The following LSAMP variants were observed in gnomAD, a reference collection of about 807,000 sequenced individuals.
The protein encoded by LSAMP is limbic system associated membrane protein.
LSAMP carries 7 observed loss-of-function variants against 38.6 expected under a neutral mutation model. The ratio of observed to expected loss-of-function variants is 0.18; its 90% CI spans 0.10 to 0.34. The LOEUF (loss-of-function observed/expected upper bound fraction) is 0.34. LSAMP is among the 10% of genes least tolerant of loss of function. The pLI is 1.00. For missense variants in LSAMP, 313 were observed against 420.0 expected (o/e 0.75, Z 2.23); for synonymous variants, 154 against 166.8 (o/e 0.92, Z 0.59).
chr3:116,387,607 G>C (rs897421903), intron 1 of LSAMP, among the ~76,000 whole-genome samples: 1 of 152,136 alleles, frequency 6.6e-6, no homozygotes, highest in African/African-American at 2.4e-5. Context: ...CAGTGTTTTA[G>C]GGTTCTCTTT....
At chr3:116,439,322 T>TTG (rs1553736603) in intron 1 of LSAMP, among the ~76,000 whole-genome samples, 3 of 151,534 alleles carry the variant, frequency 2.0e-5, no homozygotes, top group African/African-American at 7.3e-5. Flanking sequence ...TTTTGTTGTT[T>TTG]TTTTTTTTTA....
intron 1 of LSAMP, among the ~76,000 whole-genome samples, chr3:116,263,677 T>TAGAGCA (rs3028643): frequency 0.19 from 29,434 of 152,150 alleles, 3,089 homozygotes; most frequent in Admixed American, 0.23. Flanking sequence ...TGCATTTTAT[T>TAGAGCA]AAATTTTATG....
At chr3:116,238,945 T>C (rs1211499729) in intron 1 of LSAMP, among the ~76,000 whole-genome samples, 1 of 152,128 alleles carries the variant, frequency 6.6e-6, no homozygotes, top group Non-Finnish European at 1.5e-5. Context: ...CCATGTATCA[T>C]CAACACTATA....
chr3:116,401,374 T>C (rs1422354904), intron 1 of LSAMP, among the ~76,000 whole-genome samples: 3 of 152,162 alleles, frequency 2.0e-5, no homozygotes, highest in African/African-American at 7.2e-5. Flanking sequence ...CTAGACCTCC[T>C]GGGCTCAGGT....
chr3:115,861,820 T>C (rs10934308), intron 3 of LSAMP, among the ~76,000 whole-genome samples: 5 of 152,008 alleles, frequency 3.3e-5, no homozygotes, highest in Admixed American at 3.3e-4. Flanking sequence ...TAAGAGATTT[T>C]AGCTAACTGT....
chr3:116,028,579 G>A (rs1028118418), intron 2 of LSAMP, among the ~76,000 whole-genome samples: 1 of 152,106 alleles, frequency 6.6e-6, no homozygotes, highest in Non-Finnish European at 1.5e-5. Context: ...CGATATTATG[G>A]GATTGACATT....
intron 1 of LSAMP, 41 bp downstream of exon 1, chr3:116,444,836 G>A (rs199499207): frequency 3.7e-6 from 6 of 1,610,616 alleles, no homozygotes; most frequent in Non-Finnish European, 5.1e-6. Flanking sequence ...ACACACACAC[G>A]TGTAGACGCG....
chr3:116,184,750 AG>A (rs1710571269), intron 1 of LSAMP, among the ~76,000 whole-genome samples: 1 of 151,824 alleles, frequency 6.6e-6, no homozygotes, highest in South Asian at 2.1e-4. Flanking sequence ...TGCTATATTT[AG>A]GGGCCTTCTA....
intron 2 of LSAMP, among the ~76,000 whole-genome samples, chr3:116,066,665 A>G (rs1384570790): frequency 6.6e-6 from 1 of 152,128 alleles, no homozygotes; most frequent in African/African-American, 2.4e-5. Context: ...TATTTACTAA[A>G]TTAACATCCT....
chr3:115,929,676 T>A (rs1204076770), intron 3 of LSAMP, among the ~76,000 whole-genome samples: 1 of 152,124 alleles, frequency 6.6e-6, no homozygotes, highest in South Asian at 2.1e-4. Flanking sequence ...TTCCTACTCA[T>A]AAATGCTATA....
chr3:115,971,943 C>T (rs1015792269), intron 3 of LSAMP, among the ~76,000 whole-genome samples: 2 of 152,078 alleles, frequency 1.3e-5, no homozygotes, highest in Admixed American at 6.6e-5. Flanking sequence ...TGAGAAGGCA[C>T]ATTTTCCACA....
At chr3:116,395,889 A>G (rs2048760532) in intron 1 of LSAMP, among the ~76,000 whole-genome samples, 2 of 152,210 alleles carry the variant, frequency 1.3e-5, no homozygotes, top group Non-Finnish European at 2.9e-5. Flanking sequence ...TGACTATCCA[A>G]ATATATAAAA....
intron 2 of LSAMP, among the ~76,000 whole-genome samples, chr3:116,041,596 C>G (rs1259424209): frequency 6.6e-6 from 1 of 151,490 alleles, no homozygotes; most frequent in Non-Finnish European, 1.5e-5. Context: ...TTTCAAACAG[C>G]ATTGATTTCA....
At chr3:116,380,566 C>A (rs1037042885) in intron 1 of LSAMP, among the ~76,000 whole-genome samples, 5 of 151,956 alleles carry the variant, frequency 3.3e-5, no homozygotes, top group African/African-American at 1.2e-4. Context: ...AATTTAACAG[C>A]CTCAGTATAT....
intron 1 of LSAMP, among the ~76,000 whole-genome samples, chr3:116,146,901 G>A (rs1352217263): frequency 6.6e-6 from 1 of 151,746 alleles, no homozygotes; most frequent in African/African-American, 2.4e-5. Flanking sequence ...GATATTCAAG[G>A]ACTCGAACAC....
chr3:115,819,625 T>C (rs1401769464), intron 6 of LSAMP, among the ~76,000 whole-genome samples: 4 of 152,128 alleles, frequency 2.6e-5, no homozygotes, highest in Admixed American at 1.3e-4. Flanking sequence ...ACAAGAAGCA[T>C]ATAAAAAATT....
At chr3:116,194,285 G>T (rs768411119) in intron 1 of LSAMP, among the ~76,000 whole-genome samples, 1 of 152,134 alleles carries the variant, frequency 6.6e-6, no homozygotes, top group East Asian at 1.9e-4. Context: ...TATAGGCAGC[G>T]GAAGACACAA....
At position 116,044,960 on chromosome 3, in the gene LSAMP, CA is replaced by C. The variant is rs1355655814; in HGVS notation, c.389-25321del. ...ATGGAAAGAAAGAAAAAACAAAAAA[CA>C]AAAAAACCCAGGCTGCCATTTCTGA... On this transcript the variant is annotated intron_variant, in intron 2 of 6. Coordinates refer to ENST00000490035, the MANE Select transcript of LSAMP (RefSeq NM_002338.5). Among the ~76,000 whole-genome samples the C allele has an allele frequency of 4.0e-5, 6 of 150,768 alleles. No individual in the cohort carries two copies. In the East Asian group the frequency reaches 1.2e-3, roughly 29 times the overall value.
intron 3 of LSAMP, among the ~76,000 whole-genome samples, chr3:115,854,507 C>G (rs1159681252): frequency 6.6e-6 from 1 of 151,962 alleles, no homozygotes; most frequent in Non-Finnish European, 1.5e-5. Flanking sequence ...TGGTCTCGAT[C>G]TCCTAAATAT....
Sources: allele counts gnomAD v4.1 joint callset (sites outside exome capture counted in the v4.1 genomes callset), GRCh38; gene constraint gnomAD v4.1.1; transcripts MANE v1.5; gene names NCBI Gene and HGNC (gene_info 2026-07-23, HGNC 2026-07-21).